NYAP2: variants seen among roughly 807,000 people sequenced by gnomAD.
NYAP2 encodes the protein neuronal tyrosine-phosphorylated phosphoinositide-3-kinase adapter 2.
In NYAP2, 23 loss-of-function variants were observed where a neutral mutation model predicts 50.4. That is an observed-to-expected ratio of 0.46 (90% CI 0.33 to 0.65). The LOEUF is 0.65. Ranked by LOEUF, NYAP2 falls within the 30% of genes least tolerant of loss-of-function variation. The pLI, the probability that NYAP2 is intolerant of heterozygous loss-of-function variation, is 0.02. For synonymous variants in NYAP2, 394 were observed against 365.2 expected (o/e 1.08, Z -0.90); for missense variants, 885 against 861.0 (o/e 1.03, Z -0.35).
the NYAP2 span, among the ~76,000 whole-genome samples, chr2:225,694,811 A>G: frequency 6.6e-5 from 10 of 151,856 alleles, no homozygotes; most frequent in Non-Finnish European, 1.2e-4. Context: ...CTGAGTTTGA[A>G]TTATTGTCTG....
rs1411381326 is a variant in NYAP2, at chr2:225,441,750, C to T, written c.221+32649C>T. 1.3e-5 allele frequency among the ~76,000 whole-genome samples: 2 copies of T among 152,154 alleles called. 1 individual carries two copies. Among genetic ancestry groups the T allele is most frequent in the Admixed American group, 1.3e-4 (2 of 15,280 alleles). ...CAATCACCTCCCACCAGGTCCTTCC[C>T]TCCATTACAATTCAAGATAAGATTT... On this transcript the variant is annotated intron_variant, in intron 3 of 6. Transcript: ENST00000636099.
At chr2:225,694,014 C>G in the NYAP2 span, among the ~76,000 whole-genome samples, 1 of 152,064 alleles carries the variant, frequency 6.6e-6, no homozygotes, top group Non-Finnish European at 1.5e-5. Context: ...CTGAATCATG[C>G]TGGTATAAAA....
intron 3 of NYAP2, among the ~76,000 whole-genome samples, chr2:225,435,081 G>A (rs1574613040): frequency 6.6e-6 from 1 of 152,066 alleles, no homozygotes; most frequent in Non-Finnish European, 1.5e-5. Context: ...GACCCATTTT[G>A]TGACTTCCTT....
chr2:225,591,504 G>A (rs745646872), intron 5 of NYAP2, among the ~76,000 whole-genome samples: 6 of 152,082 alleles, frequency 3.9e-5, no homozygotes, highest in South Asian at 2.1e-4. Context: ...CCCCTTCCTC[G>A]AGAACACTTC....
At chr2:225,408,023 G>T (rs1156799052) in intron 2 of NYAP2, among the ~76,000 whole-genome samples, 2 of 151,912 alleles carry the variant, frequency 1.3e-5, no homozygotes, top group African/African-American at 4.8e-5. Context: ...ATCAGCAGGA[G>T]GTAGGAGTTA....
At chr2:225,423,804 C>T (rs748351747) in intron 3 of NYAP2, among the ~76,000 whole-genome samples, 44 of 152,174 alleles carry the variant, frequency 2.9e-4, no homozygotes, top group African/African-American at 8.2e-4. Context: ...AAGAATGCAA[C>T]GTATTCTGGC....
Position 225,582,742 on chromosome 2 carries a change from T to C in NYAP2, c.1325T>C (p.Met442Thr). The change falls in exon 5 of 7, where the codon ATG becomes ACG. Residue 442 changes from methionine (M) to threonine (T), a missense_variant. By Grantham distance (81) the Met-to-Thr change is moderately conservative. Transcript: ENST00000636099. The surrounding 1 kb of genome is among the most constrained non-coding windows in gnomAD (Gnocchi z 7.0). The stretch of plus-strand genomic sequence containing the variant: ...TCCACCTCTCCCTCCCCCGTCAGCA[T>C]GGGGAGGTCCCTGACTCCCCTGAGC... 6.2e-7 allele frequency: 1 copy of C among 1,611,808 alleles called. No homozygotes were observed.
intron 4 of NYAP2, among the ~76,000 whole-genome samples, chr2:225,575,581 T>C (rs1370946722): frequency 6.6e-6 from 1 of 152,220 alleles, no homozygotes. Context: ...ATTCCATTTC[T>C]TGGTTCTTTT....
intron 3 of NYAP2, among the ~76,000 whole-genome samples, chr2:225,469,413 T>G (rs754649441): frequency 6.7e-6 from 1 of 148,764 alleles, no homozygotes; most frequent in Non-Finnish European, 1.5e-5. Context: ...TTCACTGTTG[T>G]AAATTAGTTC....
intron 3 of NYAP2, among the ~76,000 whole-genome samples, chr2:225,438,201 C>T (rs1689413296): frequency 6.6e-6 from 1 of 152,188 alleles, no homozygotes; most frequent in Non-Finnish European, 1.5e-5. Context: ...TGTGTTGAAA[C>T]TCCCACTGAT....
Position 225,490,143 on chromosome 2 carries a change from T to A in NYAP2, c.222-23228T>A, listed in dbSNP as rs149895179. On this transcript the variant is annotated intron_variant, in intron 3 of 6. Transcript: ENST00000636099. ...GACTATGAATCTCCTTTAATTCATA[T>A]CTATCCAGTTAGAGGAGCTTCAATT... Among the ~76,000 whole-genome samples the A allele has an allele frequency of 2.0e-5, 3 of 152,284 alleles. No homozygotes were observed. In the East Asian group the frequency reaches 5.8e-4, roughly 29 times the overall value.
At chr2:225,643,302 A>C (rs147417451) in intron 6 of NYAP2, among the ~76,000 whole-genome samples, 1 of 152,180 alleles carries the variant, frequency 6.6e-6, no homozygotes, top group East Asian at 1.9e-4. Flanking sequence ...AATCCCTTGA[A>C]ATTTTGAAAG....
At position 225,627,127 on chromosome 2, in the gene NYAP2, G is replaced by A. The variant is rs1189857086; in HGVS notation, c.1828+1G>A. Reference sequence around the variant, plus strand: ...TTGTTAGCGGGAAACCACAGTTCAGGTAAGGCAGATTATGATCTTCCAGAA... The same window carrying A: ...TTGTTAGCGGGAAACCACAGTTCAGATAAGGCAGATTATGATCTTCCAGAA... On this transcript the variant is annotated splice_donor_variant, in intron 6 of 6. Coordinates refer to ENST00000636099, the Ensembl canonical transcript of NYAP2. LOFTEE classifies it high-confidence loss of function. 1 of 1,577,544 alleles carries A rather than the reference G, an allele frequency of 6.3e-7. No homozygotes were observed. Among genetic ancestry groups the A allele is most frequent in the Non-Finnish European group, 8.6e-7 (1 of 1,160,964 alleles).
chr2:225,473,442 T>C (rs1367622145), intron 3 of NYAP2, among the ~76,000 whole-genome samples: 4 of 151,434 alleles, frequency 2.6e-5, no homozygotes, highest in Non-Finnish European at 4.4e-5. Context: ...AAAAGTGTTC[T>C]TATTTCTCCA....
intron 4 of NYAP2, among the ~76,000 whole-genome samples, chr2:225,556,940 G>A (rs950782522): frequency 2.0e-5 from 3 of 152,088 alleles, no homozygotes; most frequent in Non-Finnish European, 2.9e-5. Flanking sequence ...TCGGACCATT[G>A]GTCATGTTCA....
chr2:225,443,860 A>G (rs1452052313), intron 3 of NYAP2, among the ~76,000 whole-genome samples: 2 of 152,238 alleles, frequency 1.3e-5, no homozygotes, highest in Non-Finnish European at 2.9e-5. Flanking sequence ...GACTTATATA[A>G]GGAATGGTCA....
intron 3 of NYAP2, among the ~76,000 whole-genome samples, chr2:225,449,297 C>T (rs559766178): frequency 2.0e-5 from 3 of 152,262 alleles, no homozygotes; most frequent in Admixed American, 1.3e-4. Flanking sequence ...CATTCTGAAG[C>T]TCTAATGAAA....
the NYAP2 span, among the ~76,000 whole-genome samples, chr2:225,696,399 T>A: frequency 6.6e-6 from 1 of 151,950 alleles, no homozygotes; most frequent in Non-Finnish European, 1.5e-5. Context: ...ACTTGGGCAA[T>A]GGTTTACTGT....
chr2:225,642,110 G>A (rs1458261058), intron 6 of NYAP2, among the ~76,000 whole-genome samples: 2 of 152,080 alleles, frequency 1.3e-5, no homozygotes, highest in Non-Finnish European at 2.9e-5. Context: ...AGGAAGAAAG[G>A]GAAGGAAGGA....
Sources: gnomAD v4.1 joint callset for allele counts (sites outside exome capture counted in the v4.1 genomes callset) on GRCh38, gnomAD v4.1.1 for gene constraint, Gnocchi (gnomAD v3.1) non-coding constraint, MANE v1.5 for transcripts, NCBI Gene and HGNC (gene_info 2026-07-23, HGNC 2026-07-21) for gene names.